Variants in CSMD1 observed in about 807,000 individuals in gnomAD.
CSMD1 encodes CUB and sushi domain-containing protein 1.
A neutral mutation model predicts 417.5 loss-of-function variants in CSMD1; 213 were observed. The ratio of observed to expected loss-of-function variants is 0.51; its 90% CI spans 0.46 to 0.57. The LOEUF is 0.57. Among genes scored for constraint, CSMD1 ranks in the 20% least tolerant of loss-of-function variants. The pLI, the probability that CSMD1 is intolerant of heterozygous loss-of-function variation, is 0.00. For synonymous variants in CSMD1, 2,862 were observed against 1,736.8 expected (o/e 1.65, Z -16.11); for missense variants, 6,923 against 4,529.7 (o/e 1.53, Z -15.17).
chr8:4,867,247 A>G (rs939319674), intron 1 of CSMD1, among the ~76,000 whole-genome samples: 1 of 152,058 alleles, frequency 6.6e-6, no homozygotes, highest in Admixed American at 6.5e-5. Flanking sequence ...GGGGGTTGTT[A>G]AATATGCAAA....
At chr8:3,946,898 A>G (rs2129826365) in intron 5 of CSMD1, among the ~76,000 whole-genome samples, 1 of 152,278 alleles carries the variant, frequency 6.6e-6, no homozygotes, top group South Asian at 2.1e-4. Context: ...GTGATCTCAA[A>G]CCATGCAACA....
At chr8:4,102,147 T>C (rs1338462233) in intron 3 of CSMD1, among the ~76,000 whole-genome samples, 1 of 152,150 alleles carries the variant, frequency 6.6e-6, no homozygotes, top group African/African-American at 2.4e-5. Context: ...CAACCTCAAA[T>C]CATGTAAATG....
intron 1 of CSMD1, among the ~76,000 whole-genome samples, chr8:4,914,603 A>T (rs1805929439): frequency 1.5e-5 from 2 of 135,822 alleles, no homozygotes; most frequent in South Asian, 2.3e-4. Flanking sequence ...AAAAAAAAAA[A>T]TAGAAGATAG....
At chr8:3,595,594 G>C (rs1273422622) in intron 8 of CSMD1, among the ~76,000 whole-genome samples, 5 of 152,148 alleles carry the variant, frequency 3.3e-5, no homozygotes, top group Admixed American at 3.3e-4. Flanking sequence ...TCAAAATATA[G>C]GATGGTTCCA....
intron 3 of CSMD1, among the ~76,000 whole-genome samples, chr8:4,262,774 G>A (rs1464005509): frequency 2.0e-5 from 3 of 152,146 alleles, no homozygotes; most frequent in Non-Finnish European, 4.4e-5. Flanking sequence ...CTCAGCTATG[G>A]AGAGGAAGGA....
At chr8:3,230,519 AATAC>A (rs1585725513) in intron 26 of CSMD1, among the ~76,000 whole-genome samples, 1 of 152,312 alleles carries the variant, frequency 6.6e-6, no homozygotes, top group East Asian at 1.9e-4. Flanking sequence ...CCTTAGAATA[AATAC>A]ATACATACAC....
At chr8:4,974,821 G>A (rs919494903) in intron 1 of CSMD1, among the ~76,000 whole-genome samples, 2 of 152,130 alleles carry the variant, frequency 1.3e-5, no homozygotes, top group Non-Finnish European at 2.9e-5. Context: ...GTATTGAGCT[G>A]TCTCCCAATG....
chr8:3,974,194 A>C (rs1813265859), intron 5 of CSMD1, among the ~76,000 whole-genome samples: 1 of 152,148 alleles, frequency 6.6e-6, no homozygotes, highest in Admixed American at 6.5e-5. Flanking sequence ...TATTAGCTGA[A>C]AGATCAAAGC....
chr8:3,940,433 G>A (rs530588633), intron 5 of CSMD1, among the ~76,000 whole-genome samples: 1 of 151,668 alleles, frequency 6.6e-6, no homozygotes, highest in South Asian at 2.1e-4. Flanking sequence ...ATGTTGTAAA[G>A]AAGTAAAACA....
intron 10 of CSMD1, among the ~76,000 whole-genome samples, chr8:3,537,202 T>A (rs184450378): frequency 6.6e-6 from 1 of 152,090 alleles, no homozygotes; most frequent in Admixed American, 6.5e-5. Flanking sequence ...GGTTTCACCA[T>A]GTTGGCCAAG....
intron 1 of CSMD1, among the ~76,000 whole-genome samples, chr8:4,688,519 A>G (rs1284666882): frequency 6.6e-6 from 1 of 152,158 alleles, no homozygotes; most frequent in African/African-American, 2.4e-5. Flanking sequence ...TCATTAGAAT[A>G]CCAAGGAAAA....
At chr8:4,384,026 C>T (rs1007337585) in intron 3 of CSMD1, among the ~76,000 whole-genome samples, 2 of 147,366 alleles carry the variant, frequency 1.4e-5, no homozygotes, top group Admixed American at 1.4e-4. Flanking sequence ...CCCCCCGCCT[C>T]ATAACAGATG....
intron 4 of CSMD1, among the ~76,000 whole-genome samples, chr8:4,011,193 G>C (rs115853516): frequency 6.6e-6 from 1 of 152,126 alleles, no homozygotes; most frequent in Non-Finnish European, 1.5e-5. Context: ...CTACCTAGTG[G>C]GTACACCTGT....
At chr8:4,671,044 C>A (rs1456067440) in intron 1 of CSMD1, among the ~76,000 whole-genome samples, 1 of 152,176 alleles carries the variant, frequency 6.6e-6, no homozygotes, top group Admixed American at 6.5e-5. Flanking sequence ...TAATAATTCT[C>A]AACACAGTCA....
At chr8:3,142,316 T>C in intron 41 of CSMD1, 149 bp downstream of exon 41, 1 of 720,934 alleles carries the variant, frequency 1.4e-6, no homozygotes, top group Non-Finnish European at 2.3e-6. Flanking sequence ...CAACAAGTGT[T>C]CCACTACTAA....
chr8:4,363,409 G>A (rs550298950), intron 3 of CSMD1, among the ~76,000 whole-genome samples: 1 of 152,064 alleles, frequency 6.6e-6, no homozygotes, highest in Non-Finnish European at 1.5e-5. Flanking sequence ...AAAATGTTCT[G>A]GCCTCCAGGA....
intron 1 of CSMD1, among the ~76,000 whole-genome samples, chr8:4,881,652 T>C (rs946290605): frequency 2.0e-5 from 3 of 151,922 alleles, no homozygotes; most frequent in African/African-American, 4.8e-5. Flanking sequence ...TATGCAAAGT[T>C]TTAAATACAT....
At chr8:3,953,518 A>G (rs1003701692) in intron 5 of CSMD1, among the ~76,000 whole-genome samples, 5 of 152,150 alleles carry the variant, frequency 3.3e-5, no homozygotes, top group Admixed American at 2.6e-4. Context: ...GGGAAAAGAT[A>G]ATGACATTGC....
In CSMD1 at chr8:4,778,076, G is replaced by C. The variant is rs17432178; in HGVS notation, c.86-140518C>G. Among the ~76,000 whole-genome samples, 1,194 of 152,074 alleles carry C rather than the reference G, an allele frequency of 7.9e-3. 12 individuals carry two copies. Among genetic ancestry groups the C allele is most frequent in the Middle Eastern group, 0.02 (6 of 294 alleles). On this transcript the variant is annotated intron_variant, in intron 1 of 69. Coordinates refer to ENST00000635120, the MANE Select transcript of CSMD1 (RefSeq NM_033225.6). Reference sequence around the variant, plus strand: ...ACACATAAACACACACAGGCATACTGGTGCAATATTTTAAAATTAGGATCA... The same window carrying C: ...ACACATAAACACACACAGGCATACTCGTGCAATATTTTAAAATTAGGATCA...
Sources: allele counts gnomAD v4.1 joint callset (sites outside exome capture counted in the v4.1 genomes callset), GRCh38; gene constraint gnomAD v4.1.1; transcripts MANE v1.5; gene names NCBI Gene and HGNC (gene_info 2026-07-23, HGNC 2026-07-21).